FBXW11: variants seen among roughly 807,000 people sequenced by gnomAD.
FBXW11 encodes the protein F-box and WD repeat domain containing 11.
A neutral mutation model predicts 77.6 loss-of-function variants in FBXW11; 19 were observed. The observed-to-expected ratio is 0.24, with a 90% CI of 0.17 to 0.36. The LOEUF is 0.36. Ranked by LOEUF, FBXW11 falls within the 10% of genes least tolerant of loss-of-function variation. FBXW11 has a pLI of 1.00. For synonymous variants in FBXW11, 235 were observed against 249.4 expected, an observed-to-expected ratio of 0.94 and a Z score of 0.54; for missense variants, 334 against 704.2, an observed-to-expected ratio of 0.47 and a Z score of 5.95.
At chr5:171,895,387 T>G (rs1469263376) in intron 6 of FBXW11, among the ~76,000 whole-genome samples, 3 of 152,134 alleles carry the variant, frequency 2.0e-5, no homozygotes, top group Non-Finnish European at 4.4e-5. Context: ...GTGGGCAAGT[T>G]TTGACATTTT....
At chr5:171,917,231 T>C (rs1761312992) in intron 2 of FBXW11, among the ~76,000 whole-genome samples, 1 of 152,230 alleles carries the variant, frequency 6.6e-6, no homozygotes, top group African/African-American at 2.4e-5. Flanking sequence ...GAGATGTATA[T>C]ATGTTTTAAA....
chr5:171,957,687 T>C lies in FBXW11; in HGVS notation c.57A>G (p.Pro19=). 1 of 1,613,944 alleles carries C rather than the reference T, an allele frequency of 6.2e-7. No homozygotes were observed. The highest frequency in any genetic ancestry group is 1.1e-5 in the South Asian group (1 of 91,080). The change falls in exon 2 of 14, where the codon CCA becomes CCG. Residue 19 remains proline (P), a synonymous_variant. Transcript: ENST00000517395. ...TGGCGCAGCCTAGCCACAAAGACCT[T>C]GGCACAGAACACTGCAGGATGACAA... is the stretch of plus-strand genomic sequence containing the variant. The part of the protein sequence containing the change: ...DKTIELMCSV[P]RSLWLGCANL...
chr5:171,968,863 A>G (rs1764369084), intron 1 of FBXW11, among the ~76,000 whole-genome samples: 1 of 152,206 alleles, frequency 6.6e-6, no homozygotes, highest in Admixed American at 6.5e-5. Context: ...GAATTTCTGG[A>G]AATATGTGCA....
At chr5:171,899,876 A>G (rs2113880589) in intron 5 of FBXW11, 38 bp downstream of exon 5, 1 of 1,514,002 alleles carries the variant, frequency 6.6e-7, no homozygotes, top group Non-Finnish European at 8.9e-7. Flanking sequence ...CTATGTCAAT[A>G]AAATTTTTTC....
chr5:171,955,184 G>T (rs185597787), intron 2 of FBXW11, among the ~76,000 whole-genome samples: 1 of 152,178 alleles, frequency 6.6e-6, no homozygotes, highest in South Asian at 2.1e-4. Flanking sequence ...ATGCCTAAGG[G>T]CAACTACTAT....
At position 171,917,284 on chromosome 5, in the gene FBXW11, A is replaced by G. The variant is rs912202514; in HGVS notation, c.148-2879T>C. Among the ~76,000 whole-genome samples, 28 of 152,300 alleles carry G rather than the reference A, an allele frequency of 1.8e-4. 1 individual carries two copies. Among genetic ancestry groups the G allele is most frequent in the Admixed American group, 1.6e-3 (24 of 15,308 alleles). On this transcript the variant is annotated intron_variant, in intron 2 of 13. Coordinates refer to ENST00000517395, the MANE Select transcript of FBXW11 (RefSeq NM_001378974.1). ...ATAGGAGCCAGAATCCTCCAGAGCTATTGTGACCTAAACCACCTTAATATT... is the reference window on the plus strand; with the variant it reads ...ATAGGAGCCAGAATCCTCCAGAGCTGTTGTGACCTAAACCACCTTAATATT...
chr5:171,990,359 C>CCATT (rs1318579193), intron 1 of FBXW11, among the ~76,000 whole-genome samples: 1 of 152,058 alleles, frequency 6.6e-6, no homozygotes, highest in African/African-American at 2.4e-5. Flanking sequence ...TCATGTAATA[C>CCATT]CATGAGACTG....
rs146030155 is a variant in FBXW11, at chr5:171,992,189, G to A, written c.45+14269C>T. 9.4e-3 allele frequency among the ~76,000 whole-genome samples: 1,419 copies of A among 151,578 alleles called. 26 individuals are homozygous for A. The highest frequency in any genetic ancestry group is 0.033 in the African/African-American group (1,352 of 41,360). On this transcript the variant is annotated intron_variant, in intron 1 of 13. Transcript: ENST00000517395. ...TCATGCCTGTAATCCCAGCACTTTT[G>A]GAGGCCAAGGCAGGCAGACCACAAG...
intron 7 of FBXW11, among the ~76,000 whole-genome samples, chr5:171,890,927 T>C (rs1041940032): frequency 4.6e-5 from 7 of 152,190 alleles, no homozygotes; most frequent in African/African-American, 1.7e-4. Context: ...AGTTATAATG[T>C]TTTTTTACAA....
At chr5:171,887,063 A>G (rs376437317) in intron 7 of FBXW11, among the ~76,000 whole-genome samples, 11 of 152,184 alleles carry the variant, frequency 7.2e-5, no homozygotes, top group Non-Finnish European at 1.5e-5. Flanking sequence ...CCGTGGTCAA[A>G]TAAGTTTTGG....
chr5:171,995,847 C>T (rs1438819706), intron 1 of FBXW11, among the ~76,000 whole-genome samples: 1 of 152,112 alleles, frequency 6.6e-6, no homozygotes, highest in Non-Finnish European at 1.5e-5. Flanking sequence ...GAAAATCACA[C>T]CTTGCTCTTG....
chr5:171,868,893 A>C lies in FBXW11; in HGVS notation c.1531-97T>G, dbSNP rs187259268. On this transcript the variant is annotated intron_variant, in intron 12 of 13. Coordinates refer to ENST00000517395, the MANE Select transcript of FBXW11 (RefSeq NM_001378974.1). Reference sequence around the variant, plus strand: ...GCAGAAGATGAAAATGCAGCCACTTAAACAGACTTCCTAAACGACTGTACA... The same window carrying C: ...GCAGAAGATGAAAATGCAGCCACTTCAACAGACTTCCTAAACGACTGTACA... 1.1e-5 allele frequency: 12 copies of C among 1,119,668 alleles called. No homozygotes were observed. The African/African-American group carries it at 1.9e-4, about 18-fold the overall frequency. 69.4% of individuals were successfully genotyped at this position (1,119,668 alleles called of 1,614,324 possible).
At chr5:171,908,260 T>A (rs999325144) in intron 4 of FBXW11, among the ~76,000 whole-genome samples, 1 of 152,140 alleles carries the variant, frequency 6.6e-6, no homozygotes, top group Non-Finnish European at 1.5e-5. Flanking sequence ...CAAAAGCATG[T>A]CTCCATCTCC....
At chr5:171,944,217 T>C (rs1762885177) in intron 2 of FBXW11, among the ~76,000 whole-genome samples, 1 of 151,984 alleles carries the variant, frequency 6.6e-6, no homozygotes, top group Non-Finnish European at 1.5e-5. Context: ...TATACATCTA[T>C]TTATATGCAT....
At chr5:171,893,637 T>C (rs1759539025) in intron 6 of FBXW11, among the ~76,000 whole-genome samples, 1 of 152,068 alleles carries the variant, frequency 6.6e-6, no homozygotes, top group Non-Finnish European at 1.5e-5. Context: ...TCCAGGAAAA[T>C]GCTGATTTAG....
At chr5:171,874,608 A>T (rs1486168403) in intron 9 of FBXW11, among the ~76,000 whole-genome samples, 1 of 152,142 alleles carries the variant, frequency 6.6e-6, no homozygotes, top group South Asian at 2.1e-4. Context: ...GCTGGTTATG[A>T]AAAGGAGGTT....
intron 11 of FBXW11, among the ~76,000 whole-genome samples, chr5:171,870,075 C>T (rs1258991463): frequency 2.6e-5 from 4 of 152,096 alleles, no homozygotes; most frequent in Non-Finnish European, 5.9e-5. Context: ...AATTCAGTTC[C>T]GGACTTGATA....
intron 1 of FBXW11, among the ~76,000 whole-genome samples, chr5:171,990,865 C>T (rs1168539264): frequency 6.6e-6 from 1 of 151,962 alleles, no homozygotes; most frequent in Non-Finnish European, 1.5e-5. Flanking sequence ...TGCTCTATTG[C>T]CTGGGCTGGA....
At chr5:171,929,807 G>A (rs966542287) in intron 2 of FBXW11, among the ~76,000 whole-genome samples, 68 of 152,124 alleles carry the variant, frequency 4.5e-4, no homozygotes, top group African/African-American at 1.6e-3. Context: ...AGCCAAGATC[G>A]CACCACTGCG....
Sources: gnomAD v4.1 joint callset for allele counts (sites outside exome capture counted in the v4.1 genomes callset) on GRCh38, gnomAD v4.1.1 for gene constraint, MANE v1.5 for transcripts, NCBI Gene and HGNC (gene_info 2026-07-23, HGNC 2026-07-21) for gene names.